NMU: variants seen among roughly 807,000 people sequenced by gnomAD.
NMU encodes the protein neuromedin-U.
A neutral mutation model predicts 35.4 loss-of-function variants in NMU; 29 were observed. The observed-to-expected ratio is 0.82, with a 90% CI of 0.61 to 1.12. The LOEUF (loss-of-function observed/expected upper bound fraction) is 1.12. Among genes scored for constraint, NMU ranks in the 50% most tolerant of loss-of-function variants. The pLI is 0.00. For synonymous variants in NMU, 78 were observed against 81.3 expected (o/e 0.96, Z 0.22); for missense variants, 199 against 206.2 (o/e 0.97, Z 0.21).
chr4:55,601,323 T>C (rs1397972156), intron 7 of NMU, among the ~76,000 whole-genome samples: 1 of 152,166 alleles, frequency 6.6e-6, no homozygotes, highest in Non-Finnish European at 1.5e-5. Context: ...TCAGCATGGC[T>C]ATCACCATGA....
chr4:55,636,259 C>T lies in NMU; in HGVS notation c.-67G>A. ...GCGCCACGCGTAGCTGGTGCTCCAC[C>T]TGGTGCCCTGGCTGTGCCTCGGGGC... On this transcript the variant is annotated 5_prime_UTR_variant, in exon 1 of 10. Coordinates refer to ENST00000264218, the MANE Select transcript of NMU (RefSeq NM_006681.4). The surrounding 1 kb of genome is among the most constrained non-coding windows in gnomAD (Gnocchi z 4.0). The T allele has an allele frequency of 7.1e-7, 1 of 1,408,196 alleles. No homozygotes were observed. Among genetic ancestry groups the T allele is most frequent in the Admixed American group, 3.2e-5 (1 of 30,904 alleles). The allele number at this position is 1,408,196 out of a possible 1,614,324, so 87.2% of individuals were successfully genotyped here. A position where few individuals can be genotyped will look rare whatever the true frequency, so the allele number is the denominator to read the frequency against.
intron 1 of NMU, among the ~76,000 whole-genome samples, chr4:55,632,228 G>C (rs1355840387): frequency 6.6e-6 from 1 of 152,140 alleles, no homozygotes; most frequent in African/African-American, 2.4e-5. Context: ...GATGATGGGT[G>C]CCCTAAAAAC....
intron 2 of NMU, among the ~76,000 whole-genome samples, chr4:55,628,885 A>G (rs955319368): frequency 7.3e-5 from 11 of 151,708 alleles, no homozygotes; most frequent in Admixed American, 3.9e-4. Context: ...AATGTTTTTA[A>G]ATTTTCTTCT....
At chr4:55,625,237 T>G (rs1169151330) in intron 2 of NMU, among the ~76,000 whole-genome samples, 1 of 149,978 alleles carries the variant, frequency 6.7e-6, no homozygotes, top group East Asian at 2.0e-4. Flanking sequence ...GCATCTTAAC[T>G]TCTTTAAATA....
At chr4:55,612,131 T>A (rs1733957100) in intron 3 of NMU, among the ~76,000 whole-genome samples, 1 of 152,214 alleles carries the variant, frequency 6.6e-6, no homozygotes, top group Non-Finnish European at 1.5e-5. Context: ...CTGGTTATAT[T>A]TAAGGGCTGA....
intron 6 of NMU, among the ~76,000 whole-genome samples, chr4:55,605,919 T>C (rs13139886): frequency 0.97 from 147,428 of 152,334 alleles, 71,401 homozygotes; most frequent in East Asian, 1. Flanking sequence ...TGTAAAGGTG[T>C]CAAGCCAAAG....
intron 2 of NMU, among the ~76,000 whole-genome samples, chr4:55,625,635 T>C (rs1734495417): frequency 6.6e-6 from 1 of 152,176 alleles, no homozygotes; most frequent in Non-Finnish European, 1.5e-5. Flanking sequence ...TTGCTTTACT[T>C]ATTTATTCTT....
chr4:55,595,563 T>TATATACATATATACAC (rs755203914), intron 9 of NMU, among the ~76,000 whole-genome samples, 152 bp from the exon 10 acceptor site: 1 of 120,054 alleles, frequency 8.3e-6, no homozygotes, highest in Non-Finnish European at 1.7e-5. Flanking sequence ...TATATATATA[T>TATATACATATATACAC]ACACACACAC....
intron 7 of NMU, among the ~76,000 whole-genome samples, chr4:55,604,344 G>C (rs1733586870): frequency 6.6e-6 from 1 of 151,780 alleles, no homozygotes; most frequent in Non-Finnish European, 1.5e-5. Context: ...GGGATTACAG[G>C]CATGAGCGAC....
At chr4:55,601,780 A>T (rs983522870) in intron 7 of NMU, among the ~76,000 whole-genome samples, 1 of 152,034 alleles carries the variant, frequency 6.6e-6, no homozygotes, top group Non-Finnish European at 1.5e-5. Flanking sequence ...TGAGCCCAGG[A>T]GTTTGAGACC....
intron 2 of NMU, among the ~76,000 whole-genome samples, 178 bp from the exon 3 acceptor site, chr4:55,616,563 T>C (rs1176210195): frequency 2.6e-5 from 4 of 152,166 alleles, no homozygotes; most frequent in Non-Finnish European, 5.9e-5. Context: ...GAAATGAGAC[T>C]TCCCTCAAGA....
chr4:55,613,238 C>T (rs1299023102), intron 3 of NMU, among the ~76,000 whole-genome samples: 8 of 152,240 alleles, frequency 5.3e-5, no homozygotes. Context: ...ATAATCTATA[C>T]ACCAAACCTC....
chr4:55,612,294 G>T (rs905753252), intron 3 of NMU, among the ~76,000 whole-genome samples: 1 of 152,212 alleles, frequency 6.6e-6, no homozygotes, highest in African/African-American at 2.4e-5. Flanking sequence ...CAGCTATTCA[G>T]GAGGCTGAGG....
intron 1 of NMU, among the ~76,000 whole-genome samples, chr4:55,631,826 G>T (rs2110214107): frequency 6.6e-6 from 1 of 151,068 alleles, no homozygotes; most frequent in South Asian, 2.1e-4. Context: ...TCCATCCAAA[G>T]GAAAAGAAGT....
intron 9 of NMU, among the ~76,000 whole-genome samples, chr4:55,597,835 T>G (rs1388485594): frequency 6.6e-6 from 1 of 152,120 alleles, no homozygotes; most frequent in Non-Finnish European, 1.5e-5. Context: ...CAAAGTACTC[T>G]TTCATGATTT....
chr4:55,609,663 G>T (rs1321629650), intron 3 of NMU, among the ~76,000 whole-genome samples: 1 of 152,180 alleles, frequency 6.6e-6, no homozygotes, highest in Non-Finnish European at 1.5e-5. Flanking sequence ...GAACCCATGC[G>T]TGGTGCACCT....
intron 2 of NMU, among the ~76,000 whole-genome samples, chr4:55,625,990 A>G (rs1018029332): frequency 6.6e-6 from 1 of 152,088 alleles, no homozygotes; most frequent in Non-Finnish European, 1.5e-5. Flanking sequence ...TCCTCCACTT[A>G]TGGATCTGTG....
intron 2 of NMU, among the ~76,000 whole-genome samples, chr4:55,627,804 T>TA (rs1414583153): frequency 6.6e-6 from 1 of 152,226 alleles, no homozygotes; most frequent in Non-Finnish European, 1.5e-5. Flanking sequence ...AGTTATAGAC[T>TA]AGAAGAGAAA....
At chr4:55,609,046 T>C in intron 4 of NMU, 74 bp downstream of exon 4, 1 of 1,291,360 alleles carries the variant, frequency 7.7e-7, no homozygotes, top group Non-Finnish European at 1.1e-6. Flanking sequence ...ATTGGGCATA[T>C]TTTCTTCCAG....
Sources: gnomAD v4.1 joint callset for allele counts (sites outside exome capture counted in the v4.1 genomes callset) on GRCh38, gnomAD v4.1.1 for gene constraint, Gnocchi (gnomAD v3.1) non-coding constraint, MANE v1.5 for transcripts, NCBI Gene and HGNC (gene_info 2026-07-23, HGNC 2026-07-21) for gene names.